Variants in SPOCK3 observed in about 807,000 individuals in gnomAD.
SPOCK3 encodes the protein testican-3.
Under a neutral mutation model 56.6 loss-of-function variants are expected in SPOCK3, and 30 were observed. The observed-to-expected ratio is 0.53, with a 90% confidence interval of 0.40 to 0.72. The LOEUF (loss-of-function observed/expected upper bound fraction) is 0.72, where lower values mean the gene tolerates loss of function less well. SPOCK3 is among the 30% of genes least tolerant of loss of function. The probability of loss-of-function intolerance (pLI) is 0.00; values close to 1 mark genes in which losing one functional copy is unlikely to be tolerated. For synonymous variants in SPOCK3, 196 were observed against 183.3 expected, an observed-to-expected ratio of 1.07 and a Z score of -0.56; for missense variants, 527 against 530.0, an observed-to-expected ratio of 0.99 and a Z score of 0.06.
chr4:166,913,570 C>T (rs934674879), intron 4 of SPOCK3, among the ~76,000 whole-genome samples: 1 of 152,056 alleles, frequency 6.6e-6, no homozygotes, highest in Non-Finnish European at 1.5e-5. Flanking sequence ...ATGCCTATGT[C>T]AGGATGAGAA....
chr4:166,857,480 A>T (rs1030672689), intron 6 of SPOCK3, among the ~76,000 whole-genome samples: 1 of 152,170 alleles, frequency 6.6e-6, no homozygotes, highest in African/African-American at 2.4e-5. Flanking sequence ...ATCTAAAGTG[A>T]ACTAGGCTTT....
At position 166,889,224 on chromosome 4, in the gene SPOCK3, T is replaced by C. The variant is rs1395472294; in HGVS notation, c.495A>G (p.Ala165=). 1.2e-6 allele frequency: 2 copies of C among 1,609,214 alleles called. No individual in the cohort carries two copies. Among genetic ancestry groups the C allele is most frequent in the Admixed American group, 1.7e-5 (1 of 59,830 alleles). Residue 165 remains alanine (A), a synonymous_variant, in exon 6 of 11, where the codon GCA becomes GCG. Transcript: ENST00000357545. ...CTGAGATCTGTTTTCCTAAGACACA[T>C]GCCTGATATTCTAGTTTGCACTGTA... is the stretch of plus-strand genomic sequence containing the variant. ...YSFQCKLEYQ[A]CVLGKQISVK...
intron 4 of SPOCK3, among the ~76,000 whole-genome samples, chr4:166,964,699 T>G (rs538131766): frequency 1.3e-5 from 2 of 151,802 alleles, no homozygotes; most frequent in South Asian, 4.1e-4. Context: ...TGCCAAAATA[T>G]TCCAGTTCTA....
At chr4:166,922,938 T>A (rs545254392) in intron 4 of SPOCK3, among the ~76,000 whole-genome samples, 10 of 152,202 alleles carry the variant, frequency 6.6e-5, no homozygotes, top group Admixed American at 3.3e-4. Context: ...GATTGGGGGA[T>A]GTGTTAGTTT....
chr4:166,782,328 G>A (rs1327011257), intron 7 of SPOCK3, among the ~76,000 whole-genome samples: 3 of 152,080 alleles, frequency 2.0e-5, no homozygotes, highest in Non-Finnish European at 2.9e-5. Context: ...CAGAATACCT[G>A]AGAAAAAATC....
At chr4:167,129,618 CAAT>C (rs1453599654) in intron 2 of SPOCK3, among the ~76,000 whole-genome samples, 4 of 151,872 alleles carry the variant, frequency 2.6e-5, no homozygotes, top group Non-Finnish European at 4.4e-5. Flanking sequence ...ACTCCAAATA[CAAT>C]GATATTTTTA....
At chr4:166,959,310 G>T (rs1037376677) in intron 4 of SPOCK3, among the ~76,000 whole-genome samples, 1 of 152,084 alleles carries the variant, frequency 6.6e-6, no homozygotes, top group African/African-American at 2.4e-5. Flanking sequence ...AACTGGGTAG[G>T]TGAGCTAAAA....
chr4:167,059,958 C>G (rs1056211859), intron 3 of SPOCK3, among the ~76,000 whole-genome samples: 1 of 150,828 alleles, frequency 6.6e-6, no homozygotes, highest in Non-Finnish European at 1.5e-5. Flanking sequence ...ACAATGCGAA[C>G]ACATGGACAC....
intron 3 of SPOCK3, among the ~76,000 whole-genome samples, chr4:167,046,501 G>A (rs1753748263): frequency 8.3e-6 from 1 of 120,256 alleles, no homozygotes; most frequent in Admixed American, 1.0e-4. Flanking sequence ...TGTCGCCTAA[G>A]CTGGAGTGCA....
chr4:166,810,209 C>T (rs1579293656), intron 6 of SPOCK3, among the ~76,000 whole-genome samples: 1 of 152,082 alleles, frequency 6.6e-6, no homozygotes, highest in African/African-American at 2.4e-5. Flanking sequence ...TGTTCAACAT[C>T]ATGTGTGTCC....
At chr4:166,750,715 A>G (rs1736264548) in intron 8 of SPOCK3, among the ~76,000 whole-genome samples, 1 of 152,158 alleles carries the variant, frequency 6.6e-6, no homozygotes, top group African/African-American at 2.4e-5. Flanking sequence ...ACTTTTATTT[A>G]CCCATGAAAT....
intron 3 of SPOCK3, among the ~76,000 whole-genome samples, chr4:167,053,923 G>C (rs943273188): frequency 6.6e-6 from 1 of 151,864 alleles, no homozygotes; most frequent in Non-Finnish European, 1.5e-5. Flanking sequence ...AAAATGAAAC[G>C]GGTTCGTTCT....
intron 4 of SPOCK3, among the ~76,000 whole-genome samples, chr4:166,949,168 T>A (rs1000436759): frequency 3.9e-5 from 6 of 152,234 alleles, no homozygotes; most frequent in African/African-American, 1.4e-4. Flanking sequence ...TACACGTAGT[T>A]CTCGAGCCTT....
chr4:167,102,900 A>G (rs2150328333), intron 2 of SPOCK3, among the ~76,000 whole-genome samples: 1 of 139,436 alleles, frequency 7.2e-6, no homozygotes, highest in East Asian at 2.1e-4. Context: ...CCCCTCCCCA[A>G]CACCAGGCAA....
At chr4:167,183,214 C>T (rs1731653763) in intron 2 of SPOCK3, among the ~76,000 whole-genome samples, 1 of 152,082 alleles carries the variant, frequency 6.6e-6, no homozygotes, top group Non-Finnish European at 1.5e-5. Flanking sequence ...CAGCCCAGTC[C>T]AGCCCAGCCC....
chr4:166,982,895 T>C (rs973469813), intron 4 of SPOCK3, among the ~76,000 whole-genome samples: 1 of 152,138 alleles, frequency 6.6e-6, no homozygotes, highest in African/African-American at 2.4e-5. Flanking sequence ...TAGCCAATTA[T>C]AGATAAGCAT....
chr4:167,234,289 G>A, intron 1 of SPOCK3, 116 bp from the exon 2 acceptor site: 1 of 1,041,240 alleles, frequency 9.6e-7, no homozygotes, highest in Non-Finnish European at 1.4e-6. Flanking sequence ...AGAGGGAGGA[G>A]GAGACAAGCA....
chr4:167,165,353 A>G (rs1221178692), intron 2 of SPOCK3, among the ~76,000 whole-genome samples: 1 of 152,170 alleles, frequency 6.6e-6, no homozygotes, highest in African/African-American at 2.4e-5. Context: ...AGGATCTTAA[A>G]TAAATGTACA....
At position 166,937,921 on chromosome 4, in the gene SPOCK3, G is replaced by A. The variant is rs187971040; in HGVS notation, c.351-25178C>T. 2.7e-3 allele frequency among the ~76,000 whole-genome samples: 363 copies of A among 136,332 alleles called. 4 individuals are homozygous for A. The highest frequency in any genetic ancestry group is 0.025 in the East Asian group (112 of 4,494). 89.4% of individuals were successfully genotyped at this position (136,332 alleles called of 152,430 possible). On this transcript the variant is annotated intron_variant, in intron 4 of 10. Coordinates refer to ENST00000357545, the MANE Select transcript of SPOCK3 (RefSeq NM_001040159.2). ...TGGGACTACAGGCACCCGCCACCACGCCCGGCTAATCTCTTTTTTTTTTTT... is the reference window on the plus strand; with the variant it reads ...TGGGACTACAGGCACCCGCCACCACACCCGGCTAATCTCTTTTTTTTTTTT...
Sources: allele counts gnomAD v4.1 joint callset (sites outside exome capture counted in the v4.1 genomes callset), GRCh38; gene constraint gnomAD v4.1.1; transcripts MANE v1.5; gene names NCBI Gene and HGNC (gene_info 2026-07-23, HGNC 2026-07-21).